Variants in RALGAPB observed in about 807,000 individuals in gnomAD.
RALGAPB encodes the protein ral GTPase-activating protein subunit beta.
RALGAPB carries 25 observed loss-of-function variants against 161.1 expected under a neutral mutation model. The ratio of observed to expected loss-of-function variants is 0.16; its 90% CI spans 0.11 to 0.22. RALGAPB has a LOEUF of 0.22. Among genes scored for constraint, RALGAPB ranks in the 10% least tolerant of loss-of-function variants. RALGAPB has a pLI of 1.00. For synonymous variants in RALGAPB, 629 were observed against 626.1 expected (o/e 1.00, Z -0.07); for missense variants, 1,391 against 1,815.2 (o/e 0.77, Z 4.25).
intron 1 of RALGAPB, among the ~76,000 whole-genome samples, chr20:38,477,589 G>A (rs756025172): frequency 6.6e-6 from 1 of 152,102 alleles, no homozygotes; most frequent in Non-Finnish European, 1.5e-5. Context: ...GAATCATGAG[G>A]TTATATGGAT....
intron 23 of RALGAPB, among the ~76,000 whole-genome samples, chr20:38,561,553 T>C (rs1401528063): frequency 6.6e-6 from 1 of 152,210 alleles, no homozygotes; most frequent in African/African-American, 2.4e-5. Context: ...GGATTCCGCC[T>C]TCACTGATTT....
In RALGAPB at chr20:38,539,830, A is replaced by G. The variant is rs2145382325; in HGVS notation, c.2434A>G (p.Thr812Ala). 1 of 1,614,116 alleles carries G rather than the reference A, an allele frequency of 6.2e-7. No individual in the cohort carries two copies. Among genetic ancestry groups the G allele is most frequent in the Middle Eastern group, 1.7e-4 (1 of 6,060 alleles). ...DRKRAISSVC[T>A]YIVYQCSRPA... is the part of the protein sequence containing the mutation. The stretch of plus-strand genomic sequence containing the variant: ...GAAGCGAGCCATCAGTTCTGTGTGC[A>G]CCTACATTGTTTATCAGTGTAGTCG... Residue 812 changes from threonine (T) to alanine (A), a missense_variant, in exon 17 of 30, where the codon ACC (threonine) becomes GCC (alanine). By Grantham distance (58) the Thr-to-Ala change is moderately conservative. Transcript: ENST00000262879.
At chr20:38,553,810 A>AATAATT in intron 21 of RALGAPB, 57 bp from the exon 22 acceptor site, 1 of 770,012 alleles carries the variant, frequency 1.3e-6, no homozygotes, top group Non-Finnish European at 2.1e-6. Context: ...AACACTTAAG[A>AATAATT]TTGGCCTTAC....
chr20:38,531,110 AC>A, intron 13 of RALGAPB, 56 bp from the exon 14 acceptor site: 1 of 1,385,058 alleles, frequency 7.2e-7, no homozygotes, highest in Non-Finnish European at 1.0e-6. Flanking sequence ...AAAATGTCTT[AC>A]GCATTTTAGT....
In RALGAPB at chr20:38,577,731, A is replaced by ACT. The variant is rs1555887790; in HGVS notation, c.*2766_*2767dup. On this transcript the variant is annotated 3_prime_UTR_variant, in exon 30 of 30. Coordinates refer to ENST00000262879, the MANE Select transcript of RALGAPB (RefSeq NM_020336.4). The stretch of plus-strand genomic sequence containing the variant: ...CACACACACACACACACACACACAC[A>ACT]CTCGCATACTCATGCACATTTTCCT... The ACT allele has an allele frequency of 1.3e-5, 2 of 151,396 alleles. No homozygotes were observed. The highest frequency in any genetic ancestry group is 2.1e-4 in the South Asian group (1 of 4,776). The allele number at this position is 151,396 out of a possible 1,614,324, so 9.4% of individuals were successfully genotyped here. A position where few individuals can be genotyped will look rare whatever the true frequency, so the allele number is the denominator to read the frequency against.
intron 1 of RALGAPB, among the ~76,000 whole-genome samples, chr20:38,481,414 CA>C (rs2084967473): frequency 6.6e-6 from 1 of 152,194 alleles, no homozygotes; most frequent in African/African-American, 2.4e-5. Flanking sequence ...GCCTCACAAT[CA>C]TGGCAGAAGG....
At chr20:38,477,018 C>T (rs925430949) in intron 1 of RALGAPB, among the ~76,000 whole-genome samples, 5 of 152,132 alleles carry the variant, frequency 3.3e-5, no homozygotes, top group Admixed American at 6.5e-5. Context: ...AAATAAGACA[C>T]GGCCCCTGTC....
chr20:38,574,660 C>A, intron 29 of RALGAPB, 114 bp from the exon 30 acceptor site: 1 of 1,094,152 alleles, frequency 9.1e-7, no homozygotes, highest in Non-Finnish European at 1.3e-6. Flanking sequence ...GGGAAGTTTG[C>A]AAATTGAATG....
At chr20:38,478,569 C>T (rs887287290) in intron 1 of RALGAPB, among the ~76,000 whole-genome samples, 5 of 151,936 alleles carry the variant, frequency 3.3e-5, no homozygotes, top group East Asian at 1.9e-4. Flanking sequence ...TACAGGCAGC[C>T]GCCACCACAC....
At chr20:38,498,503 A>G (rs968585489) in intron 4 of RALGAPB, among the ~76,000 whole-genome samples, 5 of 152,250 alleles carry the variant, frequency 3.3e-5, no homozygotes, top group African/African-American at 9.6e-5. Flanking sequence ...GGATGCAATG[A>G]TAGTAATACT....
intron 13 of RALGAPB, among the ~76,000 whole-genome samples, chr20:38,526,677 C>T (rs1414765190): frequency 6.6e-6 from 1 of 152,066 alleles, no homozygotes; most frequent in Non-Finnish European, 1.5e-5. Context: ...CTGAAATTAT[C>T]TTGTTTGCTT....
At chr20:38,543,694 T>C (rs1261217137) in intron 18 of RALGAPB, among the ~76,000 whole-genome samples, 2 of 152,258 alleles carry the variant, frequency 1.3e-5, no homozygotes, top group African/African-American at 4.8e-5. Context: ...GCCATGCTTA[T>C]ACCTGCTTAT....
intron 6 of RALGAPB, among the ~76,000 whole-genome samples, chr20:38,514,913 A>G (rs985053583): frequency 6.6e-6 from 1 of 152,164 alleles, no homozygotes; most frequent in East Asian, 1.9e-4. Context: ...TCTTATTTCA[A>G]GTTTTACTTA....
intron 11 of RALGAPB, 34 bp downstream of exon 11, chr20:38,524,979 T>G (rs758807490): frequency 6.4e-7 from 1 of 1,568,816 alleles, no homozygotes; most frequent in Non-Finnish European, 8.8e-7. Context: ...ATATCAACTG[T>G]CTGATTTGGC....
chr20:38,572,376 G>C (rs1248770638), intron 28 of RALGAPB, among the ~76,000 whole-genome samples: 1 of 152,130 alleles, frequency 6.6e-6, no homozygotes, highest in Admixed American at 6.5e-5. Flanking sequence ...GTTATTTTCT[G>C]TTTTACTAGT....
chr20:38,503,610 A>T (rs1011137855), intron 5 of RALGAPB, among the ~76,000 whole-genome samples: 5 of 152,224 alleles, frequency 3.3e-5, no homozygotes, highest in African/African-American at 1.2e-4. Flanking sequence ...CCTGGTATAG[A>T]TGCCATGAAC....
intron 1 of RALGAPB, among the ~76,000 whole-genome samples, chr20:38,474,173 G>A (rs1021569199): frequency 7.2e-5 from 11 of 152,164 alleles, no homozygotes; most frequent in Non-Finnish European, 1.0e-4. Flanking sequence ...TGTAACCTCT[G>A]GGTCGTTTTT....
intron 6 of RALGAPB, among the ~76,000 whole-genome samples, chr20:38,509,572 G>A (rs1398326290): frequency 6.6e-6 from 1 of 152,170 alleles, no homozygotes; most frequent in African/African-American, 2.4e-5. Context: ...GCACTGACTG[G>A]TCAGTCTGCC....
rs768068040 is a variant in RALGAPB at position 38,567,121 on chromosome 20, G to A, written c.3843G>A (p.Ser1281=). The change falls in exon 26 of 30, where the codon TCG becomes TCA. Residue 1281 remains serine (S), a synonymous_variant. Coordinates refer to ENST00000262879, the MANE Select transcript of RALGAPB (RefSeq NM_020336.4). The stretch of plus-strand genomic sequence containing the variant: ...CTGATTCATTGGAAAGTAACATCTC[G>A]GACCAAGATAGTGATTCAAATATGG... ...SLTDSLESNI[S]DQDSDSNMDL... The A allele has an allele frequency of 1.3e-5, 21 of 1,613,048 alleles. No individual in the cohort carries two copies. Among genetic ancestry groups the A allele is most frequent in the East Asian group, 8.9e-5 (4 of 44,842 alleles).
Sources: gnomAD v4.1 joint callset for allele counts (sites outside exome capture counted in the v4.1 genomes callset) on GRCh38, gnomAD v4.1.1 for gene constraint, MANE v1.5 for transcripts, NCBI Gene and HGNC (gene_info 2026-07-23, HGNC 2026-07-21) for gene names.